Variants in GPR63 observed in about 807,000 individuals in gnomAD.
GPR63 encodes the protein G protein-coupled receptor 63.
GPR63 carries 12 observed loss-of-function variants against 23.1 expected under a neutral mutation model. The observed-to-expected ratio is 0.52, with a 90% CI of 0.33 to 0.84. GPR63 has a LOEUF of 0.84. GPR63 is among the 40% of genes least tolerant of loss of function. GPR63 has a pLI of 0.02. For missense variants in GPR63, 472 were observed against 515.6 expected (o/e 0.92, Z 0.82); for synonymous variants, 172 against 191.1 (o/e 0.90, Z 0.82).
At chr6:96,807,058 T>A (rs139912490) in intron 1 of GPR63, among the ~76,000 whole-genome samples, 7 of 152,244 alleles carry the variant, frequency 4.6e-5, no homozygotes, top group Non-Finnish European at 7.3e-5. Context: ...GACAAATTCA[T>A]GCCAGAGATG....
intron 1 of GPR63, 21 bp downstream of exon 1, chr6:96,837,247 G>A (rs11756262): frequency 0.28 from 42,790 of 152,250 alleles, 6,070 homozygotes; most frequent in South Asian, 0.31. Flanking sequence ...CGCGGGCCGG[G>A]GATCCCGAGC....
intron 1 of GPR63, among the ~76,000 whole-genome samples, chr6:96,803,092 G>A (rs963706181): frequency 5.3e-5 from 8 of 152,222 alleles, no homozygotes; most frequent in African/African-American, 1.7e-4. Flanking sequence ...CACCACACTC[G>A]AAAATATTAG....
intron 1 of GPR63, among the ~76,000 whole-genome samples, chr6:96,820,479 G>A (rs1398574966): frequency 6.6e-6 from 1 of 152,012 alleles, no homozygotes; most frequent in East Asian, 1.9e-4. Flanking sequence ...ACTTTTAAGT[G>A]TACCCCATAT....
chr6:96,827,489 G>A (rs1439822233), intron 1 of GPR63, among the ~76,000 whole-genome samples: 1 of 152,048 alleles, frequency 6.6e-6, no homozygotes, highest in Non-Finnish European at 1.5e-5. Context: ...GAAGTTTCCA[G>A]AATTCCTGAA....
At chr6:96,812,122 T>C (rs1263421680) in intron 1 of GPR63, among the ~76,000 whole-genome samples, 1 of 152,036 alleles carries the variant, frequency 6.6e-6, no homozygotes, top group African/African-American at 2.4e-5. Context: ...TTATTTTTTA[T>C]ATAGGGCACA....
chr6:96,815,767 C>T (rs1171161267), intron 1 of GPR63, among the ~76,000 whole-genome samples: 1 of 152,144 alleles, frequency 6.6e-6, no homozygotes, highest in Non-Finnish European at 1.5e-5. Context: ...TGAGATGCCT[C>T]ATGAACTTAG....
intron 1 of GPR63, among the ~76,000 whole-genome samples, chr6:96,829,949 T>C (rs1774537859): frequency 6.6e-6 from 1 of 152,178 alleles, no homozygotes; most frequent in African/African-American, 2.4e-5. Context: ...CTATATATTA[T>C]ACATTATATA....
rs1460030471 is a variant in GPR63, at chr6:96,795,241, C to T, written c.*3231G>A. 1 of 152,192 alleles carries T rather than the reference C, an allele frequency of 6.6e-6. No individual in the cohort carries two copies. Among genetic ancestry groups the T allele is most frequent in the Non-Finnish European group, 1.5e-5 (1 of 68,022 alleles). 9.4% of individuals were successfully genotyped at this position (152,192 alleles called of 1,614,324 possible). On this transcript the variant is annotated 3_prime_UTR_variant, in exon 2 of 2. Coordinates refer to ENST00000229955, the MANE Select transcript of GPR63 (RefSeq NM_030784.4). ...TATTTGGAATTTCCCTTGCATCTTT[C>T]TTTTGACCACAAATATTTCATTATC... is the stretch of plus-strand genomic sequence containing the variant.
chr6:96,827,380 G>A (rs1774470166), intron 1 of GPR63, among the ~76,000 whole-genome samples: 1 of 151,908 alleles, frequency 6.6e-6, no homozygotes, highest in Non-Finnish European at 1.5e-5. Flanking sequence ...TAAAAGAGAT[G>A]AACTAAGGAA....
intron 1 of GPR63, among the ~76,000 whole-genome samples, chr6:96,827,648 A>G (rs1774477702): frequency 6.6e-6 from 1 of 152,160 alleles, no homozygotes; most frequent in Non-Finnish European, 1.5e-5. Context: ...AGAAGGAACC[A>G]GAGTTTGGAA....
intron 1 of GPR63, among the ~76,000 whole-genome samples, chr6:96,822,259 T>C (rs948841766): frequency 1.3e-5 from 2 of 152,084 alleles, no homozygotes; most frequent in African/African-American, 4.8e-5. Flanking sequence ...CATTTCAAAA[T>C]AGGATTGGTG....
chr6:96,834,349 C>T (rs1474197383), intron 1 of GPR63, among the ~76,000 whole-genome samples: 1 of 152,102 alleles, frequency 6.6e-6, no homozygotes, highest in Non-Finnish European at 1.5e-5. Flanking sequence ...AAATTGAGGG[C>T]ACATCTAACC....
intron 1 of GPR63, among the ~76,000 whole-genome samples, chr6:96,814,763 G>A (rs1774121753): frequency 6.6e-6 from 1 of 152,022 alleles, no homozygotes; most frequent in Non-Finnish European, 1.5e-5. Context: ...CAAGTTTTCT[G>A]CAGAACACCA....
At chr6:96,825,442 G>C (rs1017678788) in intron 1 of GPR63, among the ~76,000 whole-genome samples, 1 of 152,008 alleles carries the variant, frequency 6.6e-6, no homozygotes, top group Non-Finnish European at 1.5e-5. Flanking sequence ...AAACTGAATG[G>C]ATTCTTTATA....
At chr6:96,800,061 A>G (rs539288043) in intron 1 of GPR63, among the ~76,000 whole-genome samples, 180 bp from the exon 2 acceptor site, 2 of 152,318 alleles carry the variant, frequency 1.3e-5, no homozygotes, top group Admixed American at 6.5e-5. Flanking sequence ...TCTTTAGTCA[A>G]CCATGGTGGA....
intron 1 of GPR63, among the ~76,000 whole-genome samples, chr6:96,814,283 AACTC>A (rs1221957441): frequency 2.0e-5 from 3 of 152,162 alleles, no homozygotes; most frequent in Non-Finnish European, 4.4e-5. Context: ...CGAGGATTGG[AACTC>A]AGGTAAAATT....
intron 1 of GPR63, among the ~76,000 whole-genome samples, chr6:96,820,335 A>C (rs959271288): frequency 1.3e-5 from 2 of 152,188 alleles, no homozygotes; most frequent in African/African-American, 4.8e-5. Flanking sequence ...TCAAATGGCA[A>C]TTGTTAAGTA....
chr6:96,827,031 C>A (rs1434273209), intron 1 of GPR63, among the ~76,000 whole-genome samples: 1 of 124,992 alleles, frequency 8.0e-6, no homozygotes. Flanking sequence ...AGTTCCAAGG[C>A]AAGTGAACAC....
intron 1 of GPR63, among the ~76,000 whole-genome samples, chr6:96,815,784 G>A (rs890009604): frequency 2.6e-5 from 4 of 152,126 alleles, no homozygotes; most frequent in Non-Finnish European, 5.9e-5. Flanking sequence ...TTAGACTTGA[G>A]GTGATGCTCC....
Sources: allele counts gnomAD v4.1 joint callset (sites outside exome capture counted in the v4.1 genomes callset), GRCh38; gene constraint gnomAD v4.1.1; transcripts MANE v1.5; gene names NCBI Gene and HGNC (gene_info 2026-07-23, HGNC 2026-07-21).